KIF13B: variants seen among roughly 807,000 people sequenced by gnomAD.
KIF13B encodes kinesin family member 13B, also known as kinesin-like protein KIF13B.
KIF13B carries 127 observed loss-of-function variants against 222.0 expected under a neutral mutation model. The ratio of observed to expected loss-of-function variants is 0.57; its 90% CI spans 0.50 to 0.66. The LOEUF (loss-of-function observed/expected upper bound fraction) is 0.66. Among genes scored for constraint, KIF13B ranks in the 30% least tolerant of loss-of-function variants. The probability of loss-of-function intolerance (pLI) is 0.00; values close to 1 mark genes in which losing one functional copy is unlikely to be tolerated. For synonymous variants in KIF13B, 976 were observed against 919.0 expected (o/e 1.06, Z -1.12); for missense variants, 2,173 against 2,379.0 (o/e 0.91, Z 1.80).
At chr8:29,092,989 T>C in intron 36 of KIF13B, 111 bp from the exon 37 acceptor site, 1 of 991,572 alleles carries the variant, frequency 1.0e-6, no homozygotes, top group Non-Finnish European at 1.4e-6. Flanking sequence ...AAACCAAAGG[T>C]ATCCTTAAAA....
chr8:29,114,185 T>C (rs1809489400), intron 31 of KIF13B, among the ~76,000 whole-genome samples: 1 of 152,036 alleles, frequency 6.6e-6, no homozygotes, highest in Non-Finnish European at 1.5e-5. Flanking sequence ...CAGAATACCA[T>C]CAGGGAACAA....
chr8:29,176,008 T>C (rs1240268385), intron 10 of KIF13B, 60 bp downstream of exon 10: 2 of 966,566 alleles, frequency 2.1e-6, no homozygotes, highest in Non-Finnish European at 3.3e-6. Flanking sequence ...GTCTACTCTT[T>C]TTTCTTCCTT....
intron 12 of KIF13B, among the ~76,000 whole-genome samples, chr8:29,161,540 A>T (rs2130117463): frequency 6.6e-6 from 1 of 152,254 alleles, no homozygotes; most frequent in Non-Finnish European, 1.5e-5. Flanking sequence ...TACTAAAAAT[A>T]TAAAAATTAG....
At chr8:29,073,702 T>C (rs1012888352) in intron 38 of KIF13B, among the ~76,000 whole-genome samples, 9 of 152,216 alleles carry the variant, frequency 5.9e-5, no homozygotes, top group Non-Finnish European at 1.2e-4. Flanking sequence ...TATACGTCTC[T>C]TACAGTTACT....
rs558612208 is a variant in KIF13B at position 29,103,836 on chromosome 8, G to C, written c.4215+4303C>G. Among the ~76,000 whole-genome samples the C allele has an allele frequency of 5.3e-5, 8 of 152,230 alleles. No homozygotes were observed. In the South Asian group the frequency reaches 1.7e-3, roughly 32 times the overall value. On this transcript the variant is annotated intron_variant, in intron 35 of 39. Coordinates refer to ENST00000524189, the MANE Select transcript of KIF13B (RefSeq NM_015254.4). ...TTACTCGGGGACCCCAAGGAACCAA[G>C]AACGAAAAGTAGGAAGGTCCAGAAG...
chr8:29,245,879 T>G (rs1353426647), intron 1 of KIF13B, among the ~76,000 whole-genome samples: 3 of 152,242 alleles, frequency 2.0e-5, no homozygotes, highest in Non-Finnish European at 4.4e-5. Flanking sequence ...TGTTTCTGTA[T>G]ACCAGCAATG....
At chr8:29,181,060 C>CT (rs1434114604) in intron 7 of KIF13B, among the ~76,000 whole-genome samples, 1 of 152,226 alleles carries the variant, frequency 6.6e-6, no homozygotes, top group African/African-American at 2.4e-5. Flanking sequence ...CCCAGATGCC[C>CT]TTGCAGCTCA....
In KIF13B at chr8:29,140,189, C is replaced by T. The variant is rs1476818138; in HGVS notation, c.2487G>A (p.Val829=). 24 of 1,613,478 alleles carry T rather than the reference C, an allele frequency of 1.5e-5. No homozygotes were observed. The highest frequency in any genetic ancestry group is 2.0e-5 in the Non-Finnish European group (24 of 1,179,838). The change falls in exon 21 of 40, where the codon GTG becomes GTA. Residue 829 remains valine, a splice_region_variant and synonymous_variant. Transcript: ENST00000524189. ...AVPIINQKGE[V]AGRLHVEVMR... is the part of the protein sequence containing the mutation. Reference sequence around the variant, plus strand: ...TCACCTCCACGTGCAGCCGACCTGCCACCTGCAGCAATGAGGGAAGGCAGA... The same window carrying T: ...TCACCTCCACGTGCAGCCGACCTGCTACCTGCAGCAATGAGGGAAGGCAGA...
At chr8:29,187,248 C>T (rs1309896898) in intron 5 of KIF13B, among the ~76,000 whole-genome samples, 2 of 152,316 alleles carry the variant, frequency 1.3e-5, no homozygotes, top group Middle Eastern at 3.4e-3. Context: ...ATTTTCTCGG[C>T]TGAATGCGGT....
At chr8:29,198,215 T>C (rs1024312687) in intron 2 of KIF13B, among the ~76,000 whole-genome samples, 2 of 152,248 alleles carry the variant, frequency 1.3e-5, no homozygotes, top group Admixed American at 6.5e-5. Context: ...ATAAGAGATG[T>C]AGAAGAATTT....
chr8:29,151,043 C>T (rs1011501457), intron 14 of KIF13B, among the ~76,000 whole-genome samples: 5 of 152,174 alleles, frequency 3.3e-5, no homozygotes, highest in African/African-American at 1.2e-4. Context: ...TGTGAGTGCA[C>T]ATGAAAAGCT....
intron 10 of KIF13B, among the ~76,000 whole-genome samples, chr8:29,174,598 C>G (rs1323465133): frequency 6.6e-6 from 1 of 152,132 alleles, no homozygotes; most frequent in East Asian, 1.9e-4. Context: ...TAATAATTAT[C>G]TCTTACTATC....
chr8:29,093,649 C>G (rs1211426036), intron 36 of KIF13B, among the ~76,000 whole-genome samples: 3 of 152,096 alleles, frequency 2.0e-5, no homozygotes. Context: ...CCACACTAAC[C>G]CTGAAAGGAT....
chr8:29,180,086 A>G lies in KIF13B; in HGVS notation c.720+18T>C. 1 of 1,612,956 alleles carries G rather than the reference A, an allele frequency of 6.2e-7. No individual in the cohort carries two copies. The highest frequency in any genetic ancestry group is 1.1e-5 in the South Asian group (1 of 90,824). On this transcript the variant is annotated intron_variant, in intron 8 of 39. Transcript: ENST00000524189. ...CACTTTAGAAATATAAAAACAGGTC[A>G]TGCATCTGAACACCTACCCCAGACT...
chr8:29,077,424 G>T (rs78056327), intron 37 of KIF13B, among the ~76,000 whole-genome samples: 1 of 152,230 alleles, frequency 6.6e-6, no homozygotes, highest in Non-Finnish European at 1.5e-5. Flanking sequence ...CCCCACAAAT[G>T]GGAAGGTGTT....
intron 19 of KIF13B, 42 bp from the exon 20 acceptor site, chr8:29,140,659 T>C: frequency 1.9e-6 from 3 of 1,573,796 alleles, no homozygotes; most frequent in Non-Finnish European, 1.7e-6. Context: ...AAAAACCATT[T>C]ACAATAAATG....
chr8:29,072,875 GCCCA>G (rs1017009053), intron 38 of KIF13B, among the ~76,000 whole-genome samples: 9 of 152,090 alleles, frequency 5.9e-5, no homozygotes, highest in African/African-American at 2.2e-4. Flanking sequence ...CAAAGCCCCT[GCCCA>G]CCCCCAACCT....
rs757513476 is a variant in KIF13B, at chr8:29,069,073, C to G, written c.*1431G>C. ...AAGTCCCTAGAGAACCAGAGCCTTC[C>G]GCAGCGCTTTCTAGATGTTGACTAA... On this transcript the variant is annotated 3_prime_UTR_variant, in exon 40 of 40. Transcript: ENST00000524189. The G allele has an allele frequency of 6.6e-6, 1 of 152,202 alleles. No individual in the cohort carries two copies. Among genetic ancestry groups the G allele is most frequent in the Non-Finnish European group, 1.5e-5 (1 of 68,048 alleles). The allele number at this position is 152,202 out of a possible 1,614,324, so 9.4% of individuals were successfully genotyped here. A position where few individuals can be genotyped will look rare whatever the true frequency, so the allele number is the denominator to read the frequency against.
chr8:29,131,453 A>G (rs1459234658), intron 23 of KIF13B, among the ~76,000 whole-genome samples: 2 of 152,226 alleles, frequency 1.3e-5, no homozygotes, highest in Non-Finnish European at 2.9e-5. Context: ...CAGTAAGAGA[A>G]TCAAGGAAAA....
Sources: gnomAD v4.1 joint callset for allele counts (sites outside exome capture counted in the v4.1 genomes callset) on GRCh38, gnomAD v4.1.1 for gene constraint, MANE v1.5 for transcripts, NCBI Gene and HGNC (gene_info 2026-07-23, HGNC 2026-07-21) for gene names.